The following AUTS2 variants were observed in gnomAD, a reference collection of about 807,000 sequenced individuals.
AUTS2 encodes the protein activator of transcription and developmental regulator AUTS2.
In AUTS2, 17 loss-of-function variants were observed where a neutral mutation model predicts 112.4. The observed-to-expected ratio is 0.15, with a 90% CI of 0.10 to 0.23. AUTS2 has a LOEUF of 0.23. Ranked by LOEUF, AUTS2 falls within the 10% of genes least tolerant of loss-of-function variation. AUTS2 has a pLI of 1.00. For missense variants in AUTS2, 1,510 were observed against 1,701.6 expected (o/e 0.89, Z 1.98); for synonymous variants, 751 against 702.7 (o/e 1.07, Z -1.09).
Position 70,792,487 on chromosome 7 carries a change from CA to C in AUTS2, c.*1511del, listed in dbSNP as rs374096884. 12,525 of 78,646 alleles carry C rather than the reference CA, an allele frequency of 0.16. 436 individuals are homozygous for C. The highest frequency in any genetic ancestry group is 0.21 in the African/African-American group (4,718 of 22,998). 4.9% of individuals were successfully genotyped at this position (78,646 alleles called of 1,614,324 possible). A position where few individuals can be genotyped will look rare whatever the true frequency, so the allele number is the denominator to read the frequency against. On this transcript the variant is annotated 3_prime_UTR_variant, in exon 19 of 19. Coordinates refer to ENST00000342771, the MANE Select transcript of AUTS2 (RefSeq NM_015570.4). ...ATCTGACGTTGTTATCCTGTTTTTG[CA>C]AAAAAAAAAAAAAAAAAAAGTTAAC...
intron 1 of AUTS2, among the ~76,000 whole-genome samples, chr7:69,862,356 G>A (rs1793025682): frequency 6.6e-6 from 1 of 152,264 alleles, no homozygotes; most frequent in South Asian, 2.1e-4. Flanking sequence ...AATTTATATG[G>A]AATAAAGGAA....
chr7:70,438,525 G>A (rs539118587), intron 5 of AUTS2, among the ~76,000 whole-genome samples: 1 of 152,226 alleles, frequency 6.6e-6, no homozygotes, highest in African/African-American at 2.4e-5. Flanking sequence ...TCTCCAGGGG[G>A]CTCCCAACAG....
rs531038933 is a variant in AUTS2 at position 70,688,060 on chromosome 7, A to G, written c.691-10509A>G. Among the ~76,000 whole-genome samples the G allele has an allele frequency of 3.3e-5, 5 of 152,294 alleles. No individual in the cohort carries two copies. The South Asian group carries it at 8.3e-4, about 25-fold the overall frequency. ...ATCCTAGGACCCTTGCTTGACTGCC[A>G]TGAGTAAGAGCAGTGGGCACCGAAG... On this transcript the variant is annotated intron_variant, in intron 5 of 18. Coordinates refer to ENST00000342771, the MANE Select transcript of AUTS2 (RefSeq NM_015570.4).
intron 4 of AUTS2, among the ~76,000 whole-genome samples, chr7:70,406,781 C>G (rs1370163408): frequency 3.9e-5 from 6 of 152,194 alleles, no homozygotes; most frequent in African/African-American, 1.2e-4. Flanking sequence ...CTGATGCGTT[C>G]CAGGGAGGAT....
chr7:70,753,092 T>A (rs2129555639), intron 6 of AUTS2, among the ~76,000 whole-genome samples: 1 of 152,284 alleles, frequency 6.6e-6, no homozygotes, highest in South Asian at 2.1e-4. Context: ...TACACTCAAC[T>A]GCGGTGTGTT....
chr7:70,599,005 A>G (rs1803338574), intron 5 of AUTS2, among the ~76,000 whole-genome samples: 1 of 152,226 alleles, frequency 6.6e-6, no homozygotes, highest in African/African-American at 2.4e-5. Flanking sequence ...GAGGGCAAAC[A>G]TGCTGGAAAA....
chr7:70,208,460 T>C (rs1317904709), intron 4 of AUTS2, among the ~76,000 whole-genome samples: 1 of 152,176 alleles, frequency 6.6e-6, no homozygotes, highest in African/African-American at 2.4e-5. Flanking sequence ...TAATTGCATG[T>C]CATCCTTTGT....
intron 5 of AUTS2, among the ~76,000 whole-genome samples, chr7:70,506,204 T>TGAGAG (rs1183076152): frequency 1.3e-5 from 2 of 151,756 alleles, no homozygotes; most frequent in Non-Finnish European, 2.9e-5. Context: ...TTCCCCAGAT[T>TGAGAG]GAGAGGAGAG....
chr7:70,781,298 T>C (rs1307700458), intron 14 of AUTS2, among the ~76,000 whole-genome samples: 1 of 149,116 alleles, frequency 6.7e-6, no homozygotes, highest in Non-Finnish European at 1.5e-5. Context: ...GAGGTGGAGG[T>C]TGTAGTGAGC....
At chr7:70,508,246 G>A (rs1338990116) in intron 5 of AUTS2, among the ~76,000 whole-genome samples, 3 of 151,868 alleles carry the variant, frequency 2.0e-5, no homozygotes, top group Non-Finnish European at 4.4e-5. Context: ...GGGCATTAAC[G>A]ATCATTAATA....
chr7:70,730,725 A>C (rs996239797), intron 6 of AUTS2, among the ~76,000 whole-genome samples: 19 of 152,152 alleles, frequency 1.2e-4, no homozygotes, highest in Admixed American at 4.6e-4. Flanking sequence ...ATTCATGCAC[A>C]GGTTTTTGTG....
At chr7:69,674,680 T>G (rs1350827686) in intron 1 of AUTS2, among the ~76,000 whole-genome samples, 1 of 152,178 alleles carries the variant, frequency 6.6e-6, no homozygotes, top group African/African-American at 2.4e-5. Context: ...TTTAATTTAT[T>G]GGGCAAAAAT....
chr7:70,691,104 AT>A (rs1369849162), intron 5 of AUTS2, among the ~76,000 whole-genome samples: 3 of 152,092 alleles, frequency 2.0e-5, no homozygotes, highest in South Asian at 4.1e-4. Context: ...GTAGCTTTAC[AT>A]TTTTTTTAAA....
chr7:70,403,405 G>C (rs953330036), intron 4 of AUTS2, among the ~76,000 whole-genome samples: 2 of 152,220 alleles, frequency 1.3e-5, no homozygotes, highest in Admixed American at 6.5e-5. Context: ...CTCAGTACAG[G>C]TTGCTAATTT....
At chr7:70,066,236 G>A (rs1488015978) in intron 2 of AUTS2, among the ~76,000 whole-genome samples, 2 of 152,112 alleles carry the variant, frequency 1.3e-5, no homozygotes, top group Non-Finnish European at 2.9e-5. Flanking sequence ...AGTACAGTTT[G>A]AACTTACTTT....
intron 4 of AUTS2, among the ~76,000 whole-genome samples, chr7:70,184,788 C>T (rs927842966): frequency 3.9e-5 from 6 of 151,918 alleles, no homozygotes; most frequent in Non-Finnish European, 8.8e-5. Flanking sequence ...GGAGTGTGTC[C>T]CTGAGGAAAC....
chr7:70,228,150 AT>A (rs1475388599), intron 4 of AUTS2, among the ~76,000 whole-genome samples: 1 of 151,192 alleles, frequency 6.6e-6, no homozygotes, highest in Non-Finnish European at 1.5e-5. Flanking sequence ...AGACCCTTTT[AT>A]CATTATAAAA....
chr7:69,853,166 G>A (rs564201670), intron 1 of AUTS2, among the ~76,000 whole-genome samples: 27 of 152,224 alleles, frequency 1.8e-4, no homozygotes, highest in African/African-American at 6.5e-4. Context: ...TGATGGCATT[G>A]TTGAAATCTT....
chr7:70,232,851 GT>G, intron 4 of AUTS2, among the ~76,000 whole-genome samples: 1 of 152,272 alleles, frequency 6.6e-6, no homozygotes, highest in South Asian at 2.1e-4. Flanking sequence ...GACAACACAG[GT>G]AGCAGTTGAT....
Sources: allele counts gnomAD v4.1 joint callset (sites outside exome capture counted in the v4.1 genomes callset), GRCh38; gene constraint gnomAD v4.1.1; transcripts MANE v1.5; gene names NCBI Gene and HGNC (gene_info 2026-07-23, HGNC 2026-07-21).